The following HHAT variants were observed in gnomAD, a reference collection of about 807,000 sequenced individuals.
The protein encoded by HHAT is hedgehog acyltransferase.
HHAT carries 47 observed loss-of-function variants against 70.8 expected under a neutral mutation model. The ratio of observed to expected loss-of-function variants is 0.66; its 90% confidence interval spans 0.53 to 0.85. The LOEUF (loss-of-function observed/expected upper bound fraction) is 0.85. Ranked by LOEUF, HHAT falls within the 40% of genes least tolerant of loss-of-function variation. The pLI is 0.00. For synonymous variants in HHAT, 228 were observed against 247.6 expected (o/e 0.92, Z 0.74); for missense variants, 609 against 604.8 (o/e 1.01, Z -0.07).
chr1:210,429,832 A>G lies in HHAT; in HGVS notation c.856+11507A>G, dbSNP rs970439812. 4.1e-4 allele frequency among the ~76,000 whole-genome samples: 63 copies of G among 152,022 alleles called. 1 individual carries two copies. The highest frequency in any genetic ancestry group is 1.5e-3 in the African/African-American group (60 of 41,282). ...AATATCTTCTTCCCCAATAACCTGG[A>G]AAATAGTGAATAGTTTTAGCATTTT... On this transcript the variant is annotated intron_variant, in intron 7 of 11. Transcript: ENST00000261458.
chr1:210,663,632 G>A (rs1413587464), intron 11 of HHAT, among the ~76,000 whole-genome samples: 2 of 152,170 alleles, frequency 1.3e-5, no homozygotes, highest in African/African-American at 2.4e-5. Context: ...TGCTCCATGC[G>A]TGAGCACCCA....
In HHAT at chr1:210,587,908, A is replaced by C. The variant is rs778078227; in HGVS notation, c.1054A>C (p.Ile352Leu). Residue 352 changes from isoleucine to leucine, a missense_variant, in exon 10 of 12, where the codon ATT (isoleucine) becomes CTT (leucine). Ile to Leu is a conservative substitution (Grantham distance 5, BLOSUM62 2). Transcript: ENST00000261458. ...CTCTTCTTTCTCTAGGTATGTGTACATTCCAGTGGGCGGGTCCCAGCATGG... is the reference window on the plus strand; with the variant it reads ...CTCTTCTTTCTCTAGGTATGTGTACCTTCCAGTGGGCGGGTCCCAGCATGG... Reference protein sequence around the residue: ...LHNFLIRYVYIPVGGSQHGLL... With the variant: ...LHNFLIRYVYLPVGGSQHGLL... 9 of 1,613,908 alleles carry C rather than the reference A, an allele frequency of 5.6e-6. No homozygotes were observed. Among genetic ancestry groups the C allele is most frequent in the Non-Finnish European group, 7.6e-6 (9 of 1,179,948 alleles).
intron 8 of HHAT, among the ~76,000 whole-genome samples, chr1:210,491,227 ATC>A (rs1558012952): frequency 6.6e-6 from 1 of 152,100 alleles, no homozygotes; most frequent in Non-Finnish European, 1.5e-5. Flanking sequence ...GCCCATCACC[ATC>A]TCTCGGAACT....
rs529557621 is a variant in HHAT, at chr1:210,517,954, A to G, written c.1043+4766A>G. Among the ~76,000 whole-genome samples the G allele has an allele frequency of 9.9e-5, 15 of 152,206 alleles. 2 individuals carry two copies. ...ATAACATCATGAGCAGGATAACATC[A>G]TGACTTTAAAAAAAATTGACACACT... On this transcript the variant is annotated intron_variant, in intron 9 of 11. Coordinates refer to ENST00000261458, the MANE Select transcript of HHAT (RefSeq NM_018194.6).
chr1:210,390,798 G>C (rs1014074244), intron 4 of HHAT, among the ~76,000 whole-genome samples: 10 of 152,126 alleles, frequency 6.6e-5, no homozygotes, highest in African/African-American at 2.2e-4. Context: ...ATGGCCTCCA[G>C]CTCCAACCAA....
At chr1:210,643,218 AT>A (rs1673318824) in intron 11 of HHAT, among the ~76,000 whole-genome samples, 2 of 152,222 alleles carry the variant, frequency 1.3e-5, no homozygotes, top group Admixed American at 1.3e-4. Context: ...TGTGAATGTA[AT>A]TCCTTAATCT....
intron 9 of HHAT, among the ~76,000 whole-genome samples, chr1:210,554,204 G>C (rs1480199929): frequency 6.6e-6 from 1 of 152,172 alleles, no homozygotes; most frequent in African/African-American, 2.4e-5. Flanking sequence ...TATAATGAAA[G>C]TTTTGTTCAC....
Position 210,348,832 on chromosome 1 carries a change from A to G in HHAT, c.-43-101A>G, listed in dbSNP as rs1199508254. On this transcript the variant is annotated intron_variant, in intron 1 of 11. Transcript: ENST00000261458. ...TGGGGTTATGTCTGTATCACCTTGA[A>G]TAGTGATGGGTCTCCGGGAGTGTGA... 4.1e-6 allele frequency: 5 copies of G among 1,215,700 alleles called. No individual in the cohort carries two copies. The Admixed American group carries it at 1.1e-4, about 27-fold the overall frequency. 75.3% of individuals were successfully genotyped at this position (1,215,700 alleles called of 1,614,324 possible). A position where few individuals can be genotyped will look rare whatever the true frequency, so the allele number is the denominator to read the frequency against.
chr1:210,624,566 A>C (rs141008591), intron 11 of HHAT, among the ~76,000 whole-genome samples: 202 of 152,272 alleles, frequency 1.3e-3, no homozygotes, highest in African/African-American at 4.6e-3. Context: ...TTTTGTGTGA[A>C]TACTAGGGGC....
chr1:210,629,851 TG>T (rs1334531130), intron 11 of HHAT, among the ~76,000 whole-genome samples: 1 of 143,374 alleles, frequency 7.0e-6, no homozygotes, highest in Non-Finnish European at 1.6e-5. Flanking sequence ...TTTTGTTTTT[TG>T]TTTTTTTTTT....
At chr1:210,466,019 T>C (rs544508271) in intron 8 of HHAT, among the ~76,000 whole-genome samples, 53 of 114,658 alleles carry the variant, frequency 4.6e-4, no homozygotes, top group African/African-American at 1.8e-3. Flanking sequence ...AAGGAATGAA[T>C]TGCAAGGAAT....
chr1:210,455,782 C>T (rs1330347366), intron 7 of HHAT, among the ~76,000 whole-genome samples: 1 of 152,140 alleles, frequency 6.6e-6, no homozygotes, highest in Non-Finnish European at 1.5e-5. Flanking sequence ...GATTGGGTTC[C>T]CTCCTGATTG....
chr1:210,361,230 ACTT>A (rs1438519429), intron 2 of HHAT, among the ~76,000 whole-genome samples: 1 of 152,182 alleles, frequency 6.6e-6, no homozygotes, highest in African/African-American at 2.4e-5. Context: ...GGTTTCTGTT[ACTT>A]CTTTGTTGGA....
At chr1:210,379,235 C>CATT (rs2148109153) in intron 3 of HHAT, among the ~76,000 whole-genome samples, 1 of 152,340 alleles carries the variant, frequency 6.6e-6, no homozygotes, top group East Asian at 1.9e-4. Context: ...TCTCTGCCAC[C>CATT]ATTTTCTTCA....
At chr1:210,558,095 A>G (rs2095588942) in intron 9 of HHAT, among the ~76,000 whole-genome samples, 1 of 152,164 alleles carries the variant, frequency 6.6e-6, no homozygotes, top group South Asian at 2.1e-4. Flanking sequence ...GTATTTGCGG[A>G]TAATGCTGAA....
rs184433184 is a variant in HHAT, at chr1:210,604,566, G to A, written c.1245+16467G>A. Among the ~76,000 whole-genome samples, 20 of 152,216 alleles carry A rather than the reference G, an allele frequency of 1.3e-4. No homozygotes were observed. The East Asian group carries it at 2.7e-3, about 21-fold the overall frequency. On this transcript the variant is annotated intron_variant, in intron 10 of 11. Coordinates refer to ENST00000261458, the MANE Select transcript of HHAT (RefSeq NM_018194.6). ...AACTCTTACTGGTGGTATTATTTGT[G>A]ATACATAGTCTCTTATTTTTGCTTA... is the stretch of plus-strand genomic sequence containing the variant.
In HHAT at chr1:210,362,349, A is replaced by G. The variant is rs186595818; in HGVS notation, c.92-503A>G. On this transcript the variant is annotated intron_variant, in intron 2 of 11. Coordinates refer to ENST00000261458, the MANE Select transcript of HHAT (RefSeq NM_018194.6). ...CAACCTCTGCCTCCCAGTTGAAGCA[A>G]TTCTCCTGCCTCATTCTCCTGACCA... is the stretch of plus-strand genomic sequence containing the variant. 2.8e-4 allele frequency among the ~76,000 whole-genome samples: 43 copies of G among 151,926 alleles called. No individual in the cohort carries two copies. The South Asian group carries it at 4.6e-3, about 16-fold the overall frequency.
intron 9 of HHAT, among the ~76,000 whole-genome samples, chr1:210,525,995 G>C (rs192448326): frequency 6.6e-6 from 1 of 152,300 alleles, no homozygotes; most frequent in East Asian, 1.9e-4. Flanking sequence ...TGCTGCATCT[G>C]GTAGAAGCCA....
chr1:210,571,470 C>A (rs1315482341), intron 9 of HHAT, among the ~76,000 whole-genome samples: 1 of 152,130 alleles, frequency 6.6e-6, no homozygotes, highest in Non-Finnish European at 1.5e-5. Context: ...GCACATCTTT[C>A]ATTTGGACCC....
Sources: allele counts gnomAD v4.1 joint callset (sites outside exome capture counted in the v4.1 genomes callset), GRCh38; gene constraint gnomAD v4.1.1; transcripts MANE v1.5; gene names NCBI Gene and HGNC (gene_info 2026-07-23, HGNC 2026-07-21).